Variants in LDLRAD4 observed in about 807,000 individuals in gnomAD.
LDLRAD4 encodes low-density lipoprotein receptor class A domain-containing protein 4.
LDLRAD4 carries 5 observed loss-of-function variants against 17.0 expected under a neutral mutation model. The ratio of observed to expected loss-of-function variants is 0.29; its 90% CI spans 0.15 to 0.62. The LOEUF is 0.62. Ranked by LOEUF, LDLRAD4 falls within the 20% of genes least tolerant of loss-of-function variation. LDLRAD4 has a pLI of 0.84. For missense variants in LDLRAD4, 340 were observed against 424.7 expected (o/e 0.80, Z 1.75); for synonymous variants, 168 against 171.8 (o/e 0.98, Z 0.17).
At chr18:13,595,240 T>A (rs1224516363) in intron 3 of LDLRAD4, among the ~76,000 whole-genome samples, 1 of 152,112 alleles carries the variant, frequency 6.6e-6, no homozygotes, top group Non-Finnish European at 1.5e-5. Context: ...TCTTTGTTAT[T>A]TCCTTCTTTT....
rs151332166 is a variant in LDLRAD4 at position 13,398,954 on chromosome 18, C to T, written c.40+11192C>T. Among the ~76,000 whole-genome samples the T allele has an allele frequency of 2.8e-3, 432 of 152,236 alleles. No homozygotes were observed. Among genetic ancestry groups the T allele is most frequent in the African/African-American group, 9.8e-3 (407 of 41,532 alleles). ...AGATCTTCATCTTTGTAATGATGATCGGGGCTGGGAGCAGTGGCTCACACC... is the reference window on the plus strand; with the variant it reads ...AGATCTTCATCTTTGTAATGATGATTGGGGCTGGGAGCAGTGGCTCACACC... On this transcript the variant is annotated intron_variant, in intron 2 of 5. Coordinates refer to ENST00000359446, the Ensembl canonical transcript of LDLRAD4. This position sits in a 1 kb window ranked among gnomAD's most constrained non-coding sequence, Gnocchi z 4.8.
chr18:13,302,847 T>C (rs1027653224), intron 1 of LDLRAD4, among the ~76,000 whole-genome samples: 1 of 152,232 alleles, frequency 6.6e-6, no homozygotes, highest in Non-Finnish European at 1.5e-5. Context: ...TGCAGTTTTG[T>C]TATATGGAGT....
intron 3 of LDLRAD4, chr18:13,612,691 C>T (rs1457275280): frequency 6.2e-7 from 1 of 1,613,724 alleles, no homozygotes; most frequent in Non-Finnish European, 8.5e-7. Flanking sequence ...CTCCCACTTG[C>T]AGAGGACCTG....
chr18:13,622,671 G>A lies in LDLRAD4; in HGVS notation c.336+1400G>A, dbSNP rs1173392160. ...GATGCCTGTAGATTGTTGGACAGAG[G>A]GAGGACTAATTCTTCTGAAGTTCTA... On this transcript the variant is annotated intron_variant, in intron 4 of 5. Coordinates refer to ENST00000359446, the Ensembl canonical transcript of LDLRAD4. This position sits in a 1 kb window ranked among gnomAD's most constrained non-coding sequence, Gnocchi z 5.3. 1.3e-5 allele frequency among the ~76,000 whole-genome samples: 2 copies of A among 152,206 alleles called. No individual in the cohort carries two copies. The highest frequency in any genetic ancestry group is 4.8e-5 in the African/African-American group (2 of 41,432).
At chr18:13,625,726 ACCCTCCTCCCCCCACCAGAG>A (rs1260196453) in intron 4 of LDLRAD4, among the ~76,000 whole-genome samples, 1 of 18,908 alleles carries the variant, frequency 5.3e-5, no homozygotes, top group Non-Finnish European at 1.0e-4. Context: ...CCCTGCCAGC[ACCCTCCTCCCCCCACCAGAG>A]CCCTCCTCCC....
rs139732474 is a variant in LDLRAD4, at chr18:13,368,600, C to T, written c.-382-18741C>T. Among the ~76,000 whole-genome samples, 93 of 152,290 alleles carry T rather than the reference C, an allele frequency of 6.1e-4. 2 individuals are homozygous for T. Among genetic ancestry groups the T allele is most frequent in the East Asian group, 2.9e-3 (15 of 5,178 alleles). ...CCCTGGGGGTGAGCCTGCTGTGTGT[C>T]GGATGCCCTTCCAGGGACTCACAGA... On this transcript the variant is annotated intron_variant, in intron 1 of 5. Coordinates refer to ENST00000359446, the Ensembl canonical transcript of LDLRAD4.
At chr18:13,408,813 C>G (rs958765560) in intron 2 of LDLRAD4, among the ~76,000 whole-genome samples, 11 of 152,140 alleles carry the variant, frequency 7.2e-5, no homozygotes, top group Non-Finnish European at 1.6e-4. Context: ...TTTTCTTCTT[C>G]TCTCCCGTAG....
intron 3 of LDLRAD4, among the ~76,000 whole-genome samples, chr18:13,503,574 A>T (rs980778174): frequency 6.6e-6 from 1 of 152,234 alleles, no homozygotes; most frequent in Non-Finnish European, 1.5e-5. Context: ...CTTGCTGTGC[A>T]GGAGACCTGT....
intron 2 of LDLRAD4, among the ~76,000 whole-genome samples, chr18:13,423,945 A>G (rs2145905337): frequency 6.6e-6 from 1 of 152,148 alleles, no homozygotes; most frequent in African/African-American, 2.4e-5. Flanking sequence ...GACTAGCCTG[A>G]CCAATATGAT....
intron 1 of LDLRAD4, among the ~76,000 whole-genome samples, chr18:13,322,385 C>CA (rs2081303998): frequency 6.8e-6 from 1 of 146,000 alleles, no homozygotes; most frequent in Non-Finnish European, 1.5e-5. Context: ...CTGCAACCTC[C>CA]ACCTCCCGGG....
At chr18:13,623,499 C>T (rs928694962) in intron 4 of LDLRAD4, among the ~76,000 whole-genome samples, 10 of 152,208 alleles carry the variant, frequency 6.6e-5, no homozygotes, top group African/African-American at 1.9e-4. Flanking sequence ...GGGAGCTGTC[C>T]CTCCTCGAGG....
intron 1 of LDLRAD4, among the ~76,000 whole-genome samples, chr18:13,223,282 A>T (rs1287579768): frequency 6.6e-6 from 1 of 152,172 alleles, no homozygotes; most frequent in African/African-American, 2.4e-5. Flanking sequence ...GGACCTAGAG[A>T]GTCTCCTGAA....
At chr18:13,610,050 C>G (rs2039344785) in intron 3 of LDLRAD4, among the ~76,000 whole-genome samples, 1 of 151,974 alleles carries the variant, frequency 6.6e-6, no homozygotes, top group Non-Finnish European at 1.5e-5. Context: ...GGAAGCTAGC[C>G]AAACACAGTA....
At chr18:13,289,962 C>T (rs1450519715) in intron 1 of LDLRAD4, among the ~76,000 whole-genome samples, 1 of 152,198 alleles carries the variant, frequency 6.6e-6, no homozygotes, top group Non-Finnish European at 1.5e-5. Flanking sequence ...ATGTTCCGGT[C>T]AGGACAGCAG....
At chr18:13,313,883 G>C (rs2080791817) in intron 1 of LDLRAD4, among the ~76,000 whole-genome samples, 1 of 152,118 alleles carries the variant, frequency 6.6e-6, no homozygotes, top group South Asian at 2.1e-4. Context: ...AAGGAGAGTA[G>C]TTTGTTTGGT....
chr18:13,489,029 G>C (rs1331448217), intron 3 of LDLRAD4: 2 of 152,232 alleles, frequency 1.3e-5, no homozygotes, highest in Non-Finnish European at 2.9e-5. Flanking sequence ...AGACTCAAGA[G>C]AGCCACAGAA....
At chr18:13,306,395 A>G (rs143429540) in intron 1 of LDLRAD4, among the ~76,000 whole-genome samples, 4 of 152,360 alleles carry the variant, frequency 2.6e-5, no homozygotes, top group African/African-American at 9.6e-5. Context: ...GTTGCCAGTA[A>G]GAGACTGCCT....
At chr18:13,382,144 C>T (rs1253961464) in intron 1 of LDLRAD4, among the ~76,000 whole-genome samples, 3 of 152,220 alleles carry the variant, frequency 2.0e-5, no homozygotes, top group African/African-American at 4.8e-5. Flanking sequence ...ACTGCAGCGT[C>T]AATTCTTTAT....
rs542753346 is a variant in LDLRAD4 at position 13,517,778 on chromosome 18, G to C, written c.181+79394G>C. Reference sequence around the variant, plus strand: ...TTTTGAGATGGAGTCTCGCTCTGTCGCCCAGGCTGGAGTGCAGTGGTGCGA... The same window carrying C: ...TTTTGAGATGGAGTCTCGCTCTGTCCCCCAGGCTGGAGTGCAGTGGTGCGA... On this transcript the variant is annotated intron_variant, in intron 3 of 5. Coordinates refer to ENST00000359446, the Ensembl canonical transcript of LDLRAD4. Among the ~76,000 whole-genome samples, 13 of 151,576 alleles carry C rather than the reference G, an allele frequency of 8.6e-5. No individual in the cohort carries two copies. The South Asian group carries it at 2.5e-3, about 29-fold the overall frequency.
Sources: gnomAD v4.1 joint callset for allele counts (sites outside exome capture counted in the v4.1 genomes callset) on GRCh38, gnomAD v4.1.1 for gene constraint, Gnocchi (gnomAD v3.1) non-coding constraint, MANE v1.5 for transcripts, NCBI Gene and HGNC (gene_info 2026-07-23, HGNC 2026-07-21) for gene names.